Variants in C21orf91 observed in about 807,000 individuals in gnomAD.
C21orf91 encodes protein EURL homolog.
Under a neutral mutation model 32.9 loss-of-function variants are expected in C21orf91, and 26 were observed. The observed-to-expected ratio is 0.79, with a 90% CI of 0.58 to 1.10. C21orf91 has a LOEUF of 1.10. Ranked by LOEUF, C21orf91 falls within the 50% of genes least tolerant of loss-of-function variation. C21orf91 has a pLI of 0.00. For missense variants in C21orf91, 310 were observed against 341.3 expected, an observed-to-expected ratio of 0.91 and a Z score of 0.72; for synonymous variants, 126 against 120.4, an observed-to-expected ratio of 1.05 and a Z score of -0.31.
At chr21:17,797,918 ATATAAAAAT>A (rs1454924788) in intron 2 of C21orf91, among the ~76,000 whole-genome samples, 2 of 151,970 alleles carry the variant, frequency 1.3e-5, no homozygotes, top group Non-Finnish European at 2.9e-5. Context: ...TTTTTTAAAA[ATATAAAAAT>A]TATAAAAATA....
At chr21:17,800,383 A>C (rs1285336430) in intron 2 of C21orf91, among the ~76,000 whole-genome samples, 3 of 152,222 alleles carry the variant, frequency 2.0e-5, no homozygotes, top group African/African-American at 4.8e-5. Context: ...TTACTTTTTA[A>C]TCTAGAAAAT....
At chr21:17,797,357 A>G (rs2062527740) in intron 2 of C21orf91, among the ~76,000 whole-genome samples, 1 of 152,070 alleles carries the variant, frequency 6.6e-6, no homozygotes, top group Non-Finnish European at 1.5e-5. Context: ...TTCAATTTTA[A>G]TCCTAGTCTA....
intron 2 of C21orf91, among the ~76,000 whole-genome samples, chr21:17,801,037 A>G (rs2062555853): frequency 6.6e-6 from 1 of 152,138 alleles, no homozygotes; most frequent in Admixed American, 6.5e-5. Flanking sequence ...TGACCCAGCA[A>G]TCTCATTACT....
At position 17,818,163 on chromosome 21, in the gene C21orf91, A is replaced by G. The variant is rs556991631; in HGVS notation, c.127+29T>C. ...AAAGCAGCTGTGTTAAATTCATTCC[A>G]TAAGATCAAAACTATACTGTGTCCT... On this transcript the variant is annotated intron_variant, in intron 2 of 4. Transcript: ENST00000284881. The G allele has an allele frequency of 3.1e-4, 479 of 1,566,582 alleles. 11 individuals carry two copies. In the South Asian group the frequency reaches 5.1e-3, roughly 17 times the overall value.
intron 2 of C21orf91, among the ~76,000 whole-genome samples, chr21:17,801,314 A>T (rs2062558698): frequency 6.6e-6 from 1 of 151,054 alleles, no homozygotes; most frequent in Admixed American, 6.6e-5. Flanking sequence ...TCTGTCACCC[A>T]GGCTGGAGTG....
chr21:17,796,456 C>T, intron 3 of C21orf91, 126 bp downstream of exon 3: 2 of 707,924 alleles, frequency 2.8e-6, no homozygotes, highest in South Asian at 4.4e-5. Context: ...CTAAGGTGAA[C>T]CTGTTAAATA....
intron 2 of C21orf91, among the ~76,000 whole-genome samples, chr21:17,804,926 A>G (rs546395839): frequency 2.6e-5 from 4 of 152,338 alleles, no homozygotes; most frequent in African/African-American, 2.4e-5. Context: ...TCATTCTAAC[A>G]GTTGGAAAGT....
rs12626897 is a variant in C21orf91 at position 17,797,236 on chromosome 21, A to G, written c.128-118T>C. 4.2e-3 allele frequency: 2,478 copies of G among 595,488 alleles called. 84 individuals are homozygous for G. In the East Asian group the frequency reaches 0.064, roughly 15 times the overall value. 36.9% of individuals were successfully genotyped at this position (595,488 alleles called of 1,614,324 possible). On this transcript the variant is annotated intron_variant, in intron 2 of 4. Coordinates refer to ENST00000284881, the MANE Select transcript of C21orf91 (RefSeq NM_001100420.2). ...CTGATAGTCTGTGAATTAGAGGAAAAATGCTAAAGAATATTAGTATTAATA... is the reference window on the plus strand; with the variant it reads ...CTGATAGTCTGTGAATTAGAGGAAAGATGCTAAAGAATATTAGTATTAATA...
chr21:17,809,227 T>C (rs1418027315), intron 2 of C21orf91, among the ~76,000 whole-genome samples: 1 of 152,160 alleles, frequency 6.6e-6, no homozygotes, highest in African/African-American at 2.4e-5. Flanking sequence ...GAAAATAATT[T>C]GTTCAGCCAA....
At chr21:17,806,813 C>A (rs556424367) in intron 2 of C21orf91, among the ~76,000 whole-genome samples, 72 of 152,170 alleles carry the variant, frequency 4.7e-4, no homozygotes, top group Non-Finnish European at 7.8e-4. Flanking sequence ...GCACTCCAGC[C>A]TGGGCAACAA....
rs891502976 is a variant in C21orf91, at chr21:17,791,067, CTT to C, written c.*2346_*2347del. 2 of 138,116 alleles carry C rather than the reference CTT, an allele frequency of 1.4e-5. No homozygotes were observed. Among genetic ancestry groups the C allele is most frequent in the East Asian group, 2.2e-4 (1 of 4,554 alleles). 8.6% of individuals were successfully genotyped at this position (138,116 alleles called of 1,614,324 possible). On this transcript the variant is annotated 3_prime_UTR_variant, in exon 5 of 5. Transcript: ENST00000284881. ...CAATATTTGTGATATTTCATGTTCT[CTT>C]GTTAGAACTCAACTCTGTACCTGAT...
rs2062451192 is a variant in C21orf91, at chr21:17,789,147, A to G, written c.*4268T>C. On this transcript the variant is annotated 3_prime_UTR_variant, in exon 5 of 5. Coordinates refer to ENST00000284881, the MANE Select transcript of C21orf91 (RefSeq NM_001100420.2). ...ACTTGGTTTTTACCACAGCAGTTTC[A>G]TTTTCTTTTTCCAAAAGTCTTAACA... is the stretch of plus-strand genomic sequence containing the variant. 6.7e-6 allele frequency: 1 copy of G among 149,846 alleles called. No homozygotes were observed. Among genetic ancestry groups the G allele is most frequent in the Non-Finnish European group, 1.5e-5 (1 of 67,678 alleles). 9.3% of individuals were successfully genotyped at this position (149,846 alleles called of 1,614,324 possible). A position where few individuals can be genotyped will look rare whatever the true frequency, so the allele number is the denominator to read the frequency against.
At chr21:17,819,161 G>T (rs940058040) in intron 1 of C21orf91, 142 bp downstream of exon 1, 1 of 152,238 alleles carries the variant, frequency 6.6e-6, no homozygotes, top group Admixed American at 6.5e-5. Context: ...ACCCAAGTCC[G>T]TCTTTCCGTC....
In C21orf91 at chr21:17,793,537, A is replaced by C; in HGVS notation, c.772T>G (p.Leu258Val). ...LTHQVQEKDS[L>V]ASQLHVRHVA... ...TGGCGGACATGGAGCTGTGAGGCCA[A>C]AGAATCTTTTTCTTGCACTTGGTGA... The change falls in exon 5 of 5, where the codon TTG (leucine) becomes GTG (valine). Residue 258 changes from leucine (L) to valine (V), a missense_variant. Coordinates refer to ENST00000284881, the MANE Select transcript of C21orf91 (RefSeq NM_001100420.2). The C allele has an allele frequency of 6.2e-7, 1 of 1,613,680 alleles. No homozygotes were observed. The highest frequency in any genetic ancestry group is 8.5e-7 in the Non-Finnish European group (1 of 1,179,730).
At position 17,808,471 on chromosome 21, in the gene C21orf91, G is replaced by A. The variant is rs545626755; in HGVS notation, c.127+9721C>T. The stretch of plus-strand genomic sequence containing the variant: ...TGTGGGGTTGGAGCCCCCACAAAGA[G>A]TCCCCATTGTGGCACTGCCTAGTGG... On this transcript the variant is annotated intron_variant, in intron 2 of 4. Transcript: ENST00000284881. 7.4e-4 allele frequency among the ~76,000 whole-genome samples: 113 copies of A among 152,310 alleles called. 1 individual carries two copies. The South Asian group carries it at 0.023, about 31-fold the overall frequency.
chr21:17,806,875 A>T (rs945973828), intron 2 of C21orf91, among the ~76,000 whole-genome samples: 22 of 152,230 alleles, frequency 1.4e-4, no homozygotes, highest in African/African-American at 5.3e-4. Context: ...TCCATCCAAA[A>T]AAAAAAGAAG....
At chr21:17,798,191 A>G (rs980503100) in intron 2 of C21orf91, among the ~76,000 whole-genome samples, 5 of 152,180 alleles carry the variant, frequency 3.3e-5, no homozygotes, top group African/African-American at 1.2e-4. Flanking sequence ...AGAAAAAAAT[A>G]CATTTTGTAA....
intron 2 of C21orf91, among the ~76,000 whole-genome samples, chr21:17,807,992 G>A (rs1454916647): frequency 6.6e-6 from 1 of 152,226 alleles, no homozygotes; most frequent in Admixed American, 6.5e-5. Context: ...ATTTTCTGGG[G>A]AGGAATTCAA....
intron 2 of C21orf91, among the ~76,000 whole-genome samples, chr21:17,806,384 G>A (rs900017214): frequency 1.3e-5 from 2 of 152,136 alleles, no homozygotes; most frequent in Non-Finnish European, 2.9e-5. Context: ...AAAGGGAAAA[G>A]TTTTTTTCCT....
Sources: allele counts gnomAD v4.1 joint callset (sites outside exome capture counted in the v4.1 genomes callset), GRCh38; gene constraint gnomAD v4.1.1; transcripts MANE v1.5; gene names NCBI Gene and HGNC (gene_info 2026-07-23, HGNC 2026-07-21).